DST: variants seen among roughly 807,000 people sequenced by gnomAD.
DST encodes the protein bullous pemphigoid antigen.
In DST, 253 loss-of-function variants were observed where a neutral mutation model predicts 875.2. The ratio of observed to expected loss-of-function variants is 0.29; its 90% CI spans 0.26 to 0.32. DST has a LOEUF of 0.32. Among genes scored for constraint, DST ranks in the 10% least tolerant of loss-of-function variants. The pLI is 1.00. For missense variants in DST, 8,287 were observed against 9,111.6 expected (o/e 0.91, Z 3.68); for synonymous variants, 3,124 against 3,197.1 (o/e 0.98, Z 0.77).
intron 4 of DST, among the ~76,000 whole-genome samples, chr6:56,795,021 G>C (rs147761310): frequency 7.9e-5 from 12 of 152,096 alleles, no homozygotes; most frequent in Admixed American, 2.6e-4. Context: ...GCCAAGGAAG[G>C]CTTCTGAGCA....
intron 4 of DST, among the ~76,000 whole-genome samples, chr6:56,748,268 G>T (rs1386395641): frequency 6.6e-6 from 1 of 152,050 alleles, no homozygotes; most frequent in African/African-American, 2.4e-5. Context: ...GATTGTATTT[G>T]GTAGGCTTTG....
Position 56,475,182 on chromosome 6 carries a change from T to A in DST, c.21864+967A>T, listed in dbSNP as rs553060205. On this transcript the variant is annotated intron_variant, in intron 92 of 103. Transcript: ENST00000680361. ...GCTTATTATTATTATTTACTAGGTATCCCTCTATTTGGAATATGCAGCAAA... is the reference window on the plus strand; with the variant it reads ...GCTTATTATTATTATTTACTAGGTAACCCTCTATTTGGAATATGCAGCAAA... 9.9e-5 allele frequency among the ~76,000 whole-genome samples: 15 copies of A among 152,100 alleles called. No homozygotes were observed. The East Asian group carries it at 2.5e-3, about 25-fold the overall frequency.
chr6:56,639,151 A>T, intron 22 of DST, 108 bp downstream of exon 22: 1 of 972,654 alleles, frequency 1.0e-6, no homozygotes, highest in Non-Finnish European at 1.6e-6. Flanking sequence ...GCCAGGTTTT[A>T]ATAAAAGTTA....
At chr6:56,920,413 G>T (rs570750577) in intron 2 of DST, among the ~76,000 whole-genome samples, 1 of 152,274 alleles carries the variant, frequency 6.6e-6, no homozygotes, top group South Asian at 2.1e-4. Flanking sequence ...ACACACATCT[G>T]CATGAAAGGC....
At chr6:56,515,708 A>G in intron 71 of DST, 40 bp from the exon 72 acceptor site, 2 of 1,506,132 alleles carry the variant, frequency 1.3e-6, no homozygotes, top group Non-Finnish European at 1.8e-6. Flanking sequence ...TGGTCAGGCC[A>G]ACGAGCACAC....
In DST at chr6:56,554,931, C is replaced by T. The variant is rs112528082; in HGVS notation, c.15136+414G>A. ...AAAATAGTGACAAATGCCTCTCTTT[C>T]GCACATTTCTCTAGAAAAGTTTTCT... On this transcript the variant is annotated intron_variant, in intron 60 of 103. Transcript: ENST00000680361. Among the ~76,000 whole-genome samples, 24 of 152,270 alleles carry T rather than the reference C, an allele frequency of 1.6e-4. No individual in the cohort carries two copies. The East Asian group carries it at 2.7e-3, about 17-fold the overall frequency.
chr6:56,862,824 G>A (rs1011853152), intron 3 of DST, among the ~76,000 whole-genome samples: 1 of 152,142 alleles, frequency 6.6e-6, no homozygotes, highest in African/African-American at 2.4e-5. Context: ...GCTAGGGTAA[G>A]AAGTGAAACT....
At position 56,639,578 on chromosome 6, in the gene DST, T is replaced by C; in HGVS notation, c.2731A>G (p.Thr911Ala). ...GCACGACTTACAAAATTATGGAGTG[T>C]ATCAAGGTGCCGTTCTTGATTCCTG... ...TSRNQERHLDTLHNFVSRATN... is the reference protein window; with the variant it reads ...TSRNQERHLDALHNFVSRATN... The change falls in exon 21 of 104, where the codon ACA (threonine) becomes GCA (alanine). Residue 911 changes from threonine to alanine, a missense_variant. By Grantham distance (58) the Thr-to-Ala change is moderately conservative. Coordinates refer to ENST00000680361, the MANE Select transcript of DST (RefSeq NM_001374736.1). The C allele has an allele frequency of 2.5e-6, 4 of 1,613,928 alleles. No individual in the cohort carries two copies. Among genetic ancestry groups the C allele is most frequent in the Non-Finnish European group, 2.5e-6 (3 of 1,179,928 alleles).
intron 9 of DST, chr6:56,693,454 C>T: frequency 1.1e-6 from 1 of 947,120 alleles, no homozygotes; most frequent in Non-Finnish European, 1.3e-6. Context: ...TCAAGGCAAA[C>T]CCTTAGCTTC....
rs187893981 is a variant in DST at position 56,526,233 on chromosome 6, C to T, written c.18129+128G>A. The T allele has an allele frequency of 5.9e-4, 605 of 1,028,888 alleles. 5 individuals are homozygous for T. The highest frequency in any genetic ancestry group is 1.7e-4 in the Non-Finnish European group (122 of 716,000). 63.7% of individuals were successfully genotyped at this position (1,028,888 alleles called of 1,614,324 possible). A position where few individuals can be genotyped will look rare whatever the true frequency, so the allele number is the denominator to read the frequency against. On this transcript the variant is annotated intron_variant, in intron 69 of 103. Coordinates refer to ENST00000680361, the MANE Select transcript of DST (RefSeq NM_001374736.1). ...AAGCCCAGTCAACTTCTTTTCAAATCCACTCTTTCATTTTGGAAGCACAGC... is the reference window on the plus strand; with the variant it reads ...AAGCCCAGTCAACTTCTTTTCAAATTCACTCTTTCATTTTGGAAGCACAGC...
At chr6:56,502,407 TAATA>T (rs1229076727) in intron 78 of DST, among the ~76,000 whole-genome samples, 5 of 152,108 alleles carry the variant, frequency 3.3e-5, no homozygotes, top group African/African-American at 1.2e-4. Flanking sequence ...AATTTGAAAA[TAATA>T]ACAAAGGTAT....
chr6:56,845,914 C>G (rs2099806750), intron 4 of DST, among the ~76,000 whole-genome samples: 1 of 152,160 alleles, frequency 6.6e-6, no homozygotes, highest in Non-Finnish European at 1.5e-5. Context: ...AACATTGGGT[C>G]AATATGCTAA....
chr6:56,811,683 T>C (rs1322777655), intron 4 of DST, among the ~76,000 whole-genome samples: 1 of 152,228 alleles, frequency 6.6e-6, no homozygotes, highest in Non-Finnish European at 1.5e-5. Flanking sequence ...GCCAAAGGTC[T>C]TTCTCATTTT....
intron 69 of DST, 151 bp downstream of exon 69, chr6:56,526,210 G>A: frequency 1.2e-6 from 1 of 814,152 alleles, no homozygotes; most frequent in South Asian, 1.8e-5. Context: ...CGTCGAAGAA[G>A]CCCAGTCAAC....
chr6:56,701,237 G>A (rs1344064196), intron 8 of DST, among the ~76,000 whole-genome samples: 1 of 150,832 alleles, frequency 6.6e-6, no homozygotes, highest in African/African-American at 2.4e-5. Flanking sequence ...GCATTTTTTT[G>A]TACTAATTGA....
At chr6:56,655,631 G>C (rs1467537113) in intron 10 of DST, among the ~76,000 whole-genome samples, 2 of 152,030 alleles carry the variant, frequency 1.3e-5, no homozygotes, top group African/African-American at 2.4e-5. Flanking sequence ...CATAAGTCTT[G>C]GGGGTAAGGA....
chr6:56,635,812 T>G, intron 23 of DST, 98 bp from the exon 24 acceptor site: 3 of 1,286,470 alleles, frequency 2.3e-6, no homozygotes, highest in Non-Finnish European at 3.4e-6. Context: ...GTACCCCTCA[T>G]AAGTGAGAAG....
chr6:56,466,776 C>T (rs1476612873), intron 98 of DST: 1 of 152,106 alleles, frequency 6.6e-6, no homozygotes, highest in African/African-American at 2.4e-5. Context: ...TTTCTGCATC[C>T]CTAATGATCT....
At chr6:56,751,022 T>C (rs1181761189) in intron 4 of DST, among the ~76,000 whole-genome samples, 1 of 152,186 alleles carries the variant, frequency 6.6e-6, no homozygotes, top group African/African-American at 2.4e-5. Context: ...AGTTAAGTAA[T>C]TTGTTCAAGG....
Sources: gnomAD v4.1 joint callset for allele counts (sites outside exome capture counted in the v4.1 genomes callset) on GRCh38, gnomAD v4.1.1 for gene constraint, MANE v1.5 for transcripts, NCBI Gene and HGNC (gene_info 2026-07-23, HGNC 2026-07-21) for gene names.